Variants in SUGCT observed in about 807,000 individuals in gnomAD.
SUGCT encodes the protein succinyl-CoA:glutarate-CoA transferase.
A neutral mutation model predicts 55.0 loss-of-function variants in SUGCT; 41 were observed. The ratio of observed to expected loss-of-function variants is 0.74; its 90% CI spans 0.58 to 0.97. The LOEUF is 0.97. Ranked by LOEUF, SUGCT falls within the 50% of genes least tolerant of loss-of-function variation. The probability of loss-of-function intolerance (pLI) is 0.00; values close to 1 mark genes in which losing one functional copy is unlikely to be tolerated. For synonymous variants in SUGCT, 187 were observed against 200.4 expected, an observed-to-expected ratio of 0.93 and a Z score of 0.56; for missense variants, 568 against 547.8, an observed-to-expected ratio of 1.04 and a Z score of -0.37.
chr7:40,890,252 T>TATATTTATATTATATAATATAAATTAA, the SUGCT span, among the ~76,000 whole-genome samples: 133 of 140,884 alleles, frequency 9.4e-4, no homozygotes, highest in Middle Eastern at 3.9e-3. Flanking sequence ...ATTTATATTA[T>TATATTTATATTATATAATATAAATTAA]ATATTTATAT....
intron 9 of SUGCT, among the ~76,000 whole-genome samples, chr7:40,380,678 G>A (rs989065799): frequency 1.3e-5 from 2 of 152,166 alleles, no homozygotes; most frequent in South Asian, 2.1e-4. Flanking sequence ...TATAATGCGT[G>A]TTGATAGTCA....
chr7:40,423,714 A>T (rs542136472), intron 9 of SUGCT, among the ~76,000 whole-genome samples: 86 of 152,214 alleles, frequency 5.6e-4, no homozygotes, highest in African/African-American at 2.0e-3. Flanking sequence ...CATCTTCTAT[A>T]TGTGTATGTT....
chr7:40,467,058 T>C (rs1790151971), intron 11 of SUGCT, among the ~76,000 whole-genome samples: 1 of 151,572 alleles, frequency 6.6e-6, no homozygotes, highest in South Asian at 2.1e-4. Context: ...AAAAACTAGC[T>C]GGGCATGGTG....
intron 7 of SUGCT, among the ~76,000 whole-genome samples, chr7:40,254,171 A>G (rs1790638422): frequency 1.3e-5 from 2 of 152,226 alleles, no homozygotes; most frequent in South Asian, 4.1e-4. Flanking sequence ...TTGGAAAGCA[A>G]AATCTTCAAA....
downstream of SUGCT, among the ~76,000 whole-genome samples, chr7:40,861,608 C>G (rs1345988909): frequency 6.6e-6 from 1 of 152,162 alleles, no homozygotes; most frequent in Non-Finnish European, 1.5e-5. Context: ...ATCTTTCAAA[C>G]TGTGATTTAA....
intron 8 of SUGCT, among the ~76,000 whole-genome samples, chr7:40,293,811 T>G (rs1161477834): frequency 6.6e-6 from 1 of 152,224 alleles, no homozygotes; most frequent in Non-Finnish European, 1.5e-5. Flanking sequence ...CCCCAAATAA[T>G]TTTTAATCAA....
the SUGCT span, among the ~76,000 whole-genome samples, chr7:40,932,409 G>T: frequency 6.6e-6 from 1 of 152,180 alleles, no homozygotes; most frequent in Admixed American, 6.6e-5. Flanking sequence ...TATTGATTTT[G>T]GTTGGAGAGT....
intron 8 of SUGCT, among the ~76,000 whole-genome samples, chr7:40,310,770 A>G (rs1795101163): frequency 6.6e-6 from 1 of 152,238 alleles, no homozygotes; most frequent in Non-Finnish European, 1.5e-5. Context: ...CAGATGTCAT[A>G]GCTTATTTAA....
At chr7:40,999,360 C>G in the SUGCT span, among the ~76,000 whole-genome samples, 1 of 152,060 alleles carries the variant, frequency 6.6e-6, no homozygotes, top group Non-Finnish European at 1.5e-5. Context: ...TCTTTCATGC[C>G]TGGTACATCG....
rs575225294 is a variant in SUGCT at position 40,498,484 on chromosome 7, C to A, written c.1089+2098C>A. 1.1e-3 allele frequency among the ~76,000 whole-genome samples: 166 copies of A among 152,248 alleles called. 1 individual carries two copies. The highest frequency in any genetic ancestry group is 3.9e-3 in the African/African-American group (162 of 41,544). ...TCCCCCCTCCCCTTTTTAAAATCCTCCCCACCAGAACTATCATCCTGTGTA... is the reference window on the plus strand; with the variant it reads ...TCCCCCCTCCCCTTTTTAAAATCCTACCCACCAGAACTATCATCCTGTGTA... On this transcript the variant is annotated intron_variant, in intron 12 of 13. Transcript: ENST00000335693.
At chr7:40,136,448 G>T (rs1163763276) in intron 1 of SUGCT, among the ~76,000 whole-genome samples, 1 of 152,174 alleles carries the variant, frequency 6.6e-6, no homozygotes. Flanking sequence ...GACGAGTGTG[G>T]TATCTTCTCA....
intron 9 of SUGCT, among the ~76,000 whole-genome samples, chr7:40,374,037 G>A (rs1335724385): frequency 6.6e-6 from 1 of 152,112 alleles, no homozygotes; most frequent in Non-Finnish European, 1.5e-5. Flanking sequence ...AAGACTTGAA[G>A]TTTTCAGTGA....
the SUGCT span, among the ~76,000 whole-genome samples, chr7:40,877,612 A>G: frequency 4.0e-4 from 61 of 152,344 alleles, no homozygotes; most frequent in South Asian, 1.7e-3. Context: ...TTCTCTAGCT[A>G]ATTTACATCC....
chr7:40,851,407 C>T (rs1793846799), intron 13 of SUGCT, among the ~76,000 whole-genome samples: 1 of 152,200 alleles, frequency 6.6e-6, no homozygotes, highest in Middle Eastern at 3.4e-3. Context: ...ATGCAGTAAG[C>T]GTTCATTAAA....
At chr7:40,299,819 ATTTT>A (rs968442252) in intron 8 of SUGCT, among the ~76,000 whole-genome samples, 2 of 152,126 alleles carry the variant, frequency 1.3e-5, no homozygotes, top group Non-Finnish European at 2.9e-5. Context: ...GGAATCAACA[ATTTT>A]TTTATTTTTA....
chr7:40,451,841 AT>A (rs1009267043), intron 10 of SUGCT, among the ~76,000 whole-genome samples: 15 of 151,298 alleles, frequency 9.9e-5, no homozygotes, highest in South Asian at 4.2e-4. Flanking sequence ...TCTTCTAAGC[AT>A]TTTTTTTTAC....
At chr7:40,683,659 G>A (rs1175578205) in intron 12 of SUGCT, among the ~76,000 whole-genome samples, 1 of 152,178 alleles carries the variant, frequency 6.6e-6, no homozygotes, top group Non-Finnish European at 1.5e-5. Flanking sequence ...TGTCAATTAT[G>A]TTGAGAAGAT....
intron 9 of SUGCT, among the ~76,000 whole-genome samples, chr7:40,424,303 C>T (rs1472479884): frequency 6.6e-6 from 1 of 152,094 alleles, no homozygotes; most frequent in Admixed American, 6.6e-5. Context: ...ATGTCAGCGC[C>T]TGGAAGGCCA....
chr7:40,524,398 A>G (rs975952702), intron 12 of SUGCT, among the ~76,000 whole-genome samples: 1 of 152,054 alleles, frequency 6.6e-6, no homozygotes, highest in Admixed American at 6.6e-5. Context: ...GTCCTAAGTG[A>G]TTTCTTATGA....
Sources: gnomAD v4.1 joint callset for allele counts (sites outside exome capture counted in the v4.1 genomes callset) on GRCh38, gnomAD v4.1.1 for gene constraint, MANE v1.5 for transcripts, NCBI Gene and HGNC (gene_info 2026-07-23, HGNC 2026-07-21) for gene names.